Variants in ORAI2 observed in about 807,000 individuals in gnomAD.
ORAI2 encodes ORAI calcium release-activated calcium modulator 2, also known as protein orai-2.
A neutral mutation model predicts 16.2 loss-of-function variants in ORAI2; 10 were observed. The observed-to-expected ratio is 0.62, with a 90% CI of 0.38 to 1.04. The LOEUF (loss-of-function observed/expected upper bound fraction) is 1.04. Ranked by LOEUF, ORAI2 falls within the 50% of genes least tolerant of loss-of-function variation. The pLI is 0.01. For missense variants in ORAI2, 238 were observed against 355.5 expected (o/e 0.67, Z 2.66); for synonymous variants, 150 against 157.5 (o/e 0.95, Z 0.35).
chr7:102,437,909 G>A, intron 2 of ORAI2, among the ~76,000 whole-genome samples: 1 of 152,012 alleles, frequency 6.6e-6, no homozygotes, highest in East Asian at 1.9e-4. Context: ...AACATTAGCA[G>A]GCATGGTCCT....
intron 3 of ORAI2, 80 bp downstream of exon 3, chr7:102,439,261 G>C (rs1393657581): frequency 1.7e-6 from 2 of 1,202,214 alleles, no homozygotes; most frequent in East Asian, 2.5e-5. Context: ...TCAGGGACCA[G>C]AGCCTTCCCT....
chr7:102,445,252 C>T (rs192909785), intron 3 of ORAI2, among the ~76,000 whole-genome samples: 92 of 151,646 alleles, frequency 6.1e-4, no homozygotes, highest in Non-Finnish European at 1.0e-3. Context: ...GGGGACTCTC[C>T]GCACTTTCAG....
In ORAI2 at chr7:102,441,559, A is replaced by G. The variant is rs977302664; in HGVS notation, c.225+2378A>G. Among the ~76,000 whole-genome samples the G allele has an allele frequency of 1.8e-4, 27 of 151,624 alleles. 1 individual carries two copies. Among genetic ancestry groups the G allele is most frequent in the African/African-American group, 9.7e-5 (4 of 41,192 alleles). On this transcript the variant is annotated intron_variant, in intron 3 of 3. Transcript: ENST00000495936. Reference sequence around the variant, plus strand: ...ATCTCAAAAAAAAAAAAAAGAAAAAAAAAAAACCAGAGGTGGCTCTTGCTA... The same window carrying G: ...ATCTCAAAAAAAAAAAAAAGAAAAAGAAAAAACCAGAGGTGGCTCTTGCTA...
intron 2 of ORAI2, among the ~76,000 whole-genome samples, 183 bp downstream of exon 2, chr7:102,436,516 T>C (rs1157110902): frequency 6.6e-6 from 1 of 152,024 alleles, no homozygotes; most frequent in Non-Finnish European, 1.5e-5. Context: ...GGCTCGACTC[T>C]GGCATGGATG....
chr7:102,452,042 A>C lies in ORAI2; in HGVS notation c.*4990A>C, dbSNP rs1797535199. On this transcript the variant is annotated 3_prime_UTR_variant, in exon 4 of 4. Coordinates refer to ENST00000495936, the MANE Select transcript of ORAI2 (RefSeq NM_001126340.3). ...GAGCTACCAGAGCACTGGTCACCTC[A>C]GGACATTCTCCAGCCCCAAGTCCCT... is the stretch of plus-strand genomic sequence containing the variant. 1 of 152,260 alleles carries C rather than the reference A, an allele frequency of 6.6e-6. No homozygotes were observed. The highest frequency in any genetic ancestry group is 1.5e-5 in the Non-Finnish European group (1 of 68,092). The allele number at this position is 152,260 out of a possible 1,614,324, so 9.4% of individuals were successfully genotyped here. A position where few individuals can be genotyped will look rare whatever the true frequency, so the allele number is the denominator to read the frequency against.
In ORAI2 at chr7:102,446,740, C is replaced by T. The variant is rs376227878; in HGVS notation, c.453C>T (p.Gly151=). The stretch of plus-strand genomic sequence containing the variant: ...ACCCCTACATCGAGCTGGCCTGGGG[C>T]TTCTCCACCGTGCTTGGCATCCTAC... The part of the protein sequence containing the change: ...RMHPYIELAW[G]FSTVLGILLF... Residue 151 remains glycine (G), a synonymous_variant, in exon 4 of 4, where the codon GGC becomes GGT. Coordinates refer to ENST00000495936, the MANE Select transcript of ORAI2 (RefSeq NM_001126340.3). 7 of 1,614,076 alleles carry T rather than the reference C, an allele frequency of 4.3e-6. No homozygotes were observed. Among genetic ancestry groups the T allele is most frequent in the Non-Finnish European group, 5.1e-6 (6 of 1,180,056 alleles).
intron 3 of ORAI2, 39 bp downstream of exon 3, chr7:102,439,220 T>C: frequency 6.4e-7 from 1 of 1,563,770 alleles, no homozygotes. Flanking sequence ...ACTGGTCAGA[T>C]GGGCTTTGCT....
Position 102,450,585 on chromosome 7 carries a change from A to T in ORAI2, c.*3533A>T, listed in dbSNP as rs1797494969. 1 of 152,286 alleles carries T rather than the reference A, an allele frequency of 6.6e-6. No homozygotes were observed. Among genetic ancestry groups the T allele is most frequent in the African/African-American group, 2.4e-5 (1 of 41,464 alleles). 9.4% of individuals were successfully genotyped at this position (152,286 alleles called of 1,614,324 possible). ...TGGGGACGGAGCCACATCCAAGTCT[A>T]GCCCTCTGATTAGGAGGATGACAGT... On this transcript the variant is annotated 3_prime_UTR_variant, in exon 4 of 4. Coordinates refer to ENST00000495936, the MANE Select transcript of ORAI2 (RefSeq NM_001126340.3).
At position 102,433,836 on chromosome 7, in the gene ORAI2, G is replaced by A. The variant is rs187251889; in HGVS notation, c.-123+175G>A. The stretch of plus-strand genomic sequence containing the variant: ...CCCCGCGGGATCCCTGGCGGGGTGC[G>A]GCGCCCAGAGGATCAGGGTCGGCGG... On this transcript the variant is annotated intron_variant, in intron 1 of 3. Transcript: ENST00000495936. This position sits in a 1 kb window ranked among gnomAD's most constrained non-coding sequence, Gnocchi z 4.6. Among the ~76,000 whole-genome samples the A allele has an allele frequency of 6.6e-6, 1 of 152,076 alleles. No homozygotes were observed. Among genetic ancestry groups the A allele is most frequent in the East Asian group, 1.9e-4 (1 of 5,156 alleles).
Position 102,456,473 on chromosome 7 carries a change from C to T in ORAI2, c.*9421C>T, listed in dbSNP as rs1469344121. ...CTCACTATGTTGCCCAGGCTGGCCTCAAGCAATCCTCCCACCTGAGCCCCG... is the reference window on the plus strand; with the variant it reads ...CTCACTATGTTGCCCAGGCTGGCCTTAAGCAATCCTCCCACCTGAGCCCCG... On this transcript the variant is annotated 3_prime_UTR_variant, in exon 4 of 4. Transcript: ENST00000495936. The T allele has an allele frequency of 6.6e-6, 1 of 152,184 alleles. No individual in the cohort carries two copies. The highest frequency in any genetic ancestry group is 2.4e-5 in the African/African-American group (1 of 41,442). 9.4% of individuals were successfully genotyped at this position (152,184 alleles called of 1,614,324 possible).
chr7:102,443,165 T>G (rs1797259616), intron 3 of ORAI2, among the ~76,000 whole-genome samples: 1 of 150,548 alleles, frequency 6.6e-6, no homozygotes, highest in Non-Finnish European at 1.5e-5. Flanking sequence ...GGGGTCTCGT[T>G]TTGTTGCCTG....
chr7:102,437,448 C>A (rs999655058), intron 2 of ORAI2, among the ~76,000 whole-genome samples: 1 of 151,854 alleles, frequency 6.6e-6, no homozygotes, highest in Non-Finnish European at 1.5e-5. Flanking sequence ...AACCCTGTCT[C>A]TACTAAAAAT....
Position 102,447,376 on chromosome 7 carries a change from G to C in ORAI2, c.*324G>C. On this transcript the variant is annotated 3_prime_UTR_variant, in exon 4 of 4. Coordinates refer to ENST00000495936, the MANE Select transcript of ORAI2 (RefSeq NM_001126340.3). ...GGAGGGGCTCCAAGCAGCACCCAGC[G>C]GTCCGGGGGAGTCTCAGACCCGGCA... 1 of 315,074 alleles carries C rather than the reference G, an allele frequency of 3.2e-6. No individual in the cohort carries two copies. Among genetic ancestry groups the C allele is most frequent in the Non-Finnish European group, 5.9e-6 (1 of 169,756 alleles). The allele number at this position is 315,074 out of a possible 1,614,324, so 19.5% of individuals were successfully genotyped here.
At chr7:102,444,255 A>T (rs895965831) in intron 3 of ORAI2, among the ~76,000 whole-genome samples, 1 of 149,932 alleles carries the variant, frequency 6.7e-6, no homozygotes, top group African/African-American at 2.5e-5. Flanking sequence ...ATTTTATTTT[A>T]TTTATTTATT....
At chr7:102,443,125 CTTCTTCT>C (rs1293087518) in intron 3 of ORAI2, among the ~76,000 whole-genome samples, 4 of 26,616 alleles carry the variant, frequency 1.5e-4, no homozygotes, top group Non-Finnish European at 5.5e-4. Flanking sequence ...TCTTCTTCTT[CTTCTTCT>C]TTTTTTTTTT....
intron 3 of ORAI2, among the ~76,000 whole-genome samples, chr7:102,444,810 T>C (rs1433330279): frequency 1.3e-5 from 2 of 151,622 alleles, no homozygotes; most frequent in Admixed American, 6.6e-5. Flanking sequence ...GGATTACAGA[T>C]GCCCACCACC....
chr7:102,450,576 T>G lies in ORAI2; in HGVS notation c.*3524T>G, dbSNP rs1797494672. ...GCACATGGGTGGGGACGGAGCCACA[T>G]CCAAGTCTAGCCCTCTGATTAGGAG... On this transcript the variant is annotated 3_prime_UTR_variant, in exon 4 of 4. Transcript: ENST00000495936. The G allele has an allele frequency of 6.6e-6, 1 of 152,286 alleles. No homozygotes were observed. Among genetic ancestry groups the G allele is most frequent in the Non-Finnish European group, 1.5e-5 (1 of 68,066 alleles). The allele number at this position is 152,286 out of a possible 1,614,324, so 9.4% of individuals were successfully genotyped here.
intron 3 of ORAI2, among the ~76,000 whole-genome samples, chr7:102,443,595 C>A (rs980536086): frequency 6.6e-6 from 1 of 152,064 alleles, no homozygotes; most frequent in Non-Finnish European, 1.5e-5. Context: ...CTGAGAAAAA[C>A]CACCCCTCAG....
At chr7:102,436,873 G>T (rs1797073795) in intron 2 of ORAI2, among the ~76,000 whole-genome samples, 1 of 152,082 alleles carries the variant, frequency 6.6e-6, no homozygotes, top group African/African-American at 2.4e-5. Context: ...ACCACACCTG[G>T]CTAATTTTTG....
Sources: gnomAD v4.1 joint callset for allele counts (sites outside exome capture counted in the v4.1 genomes callset) on GRCh38, gnomAD v4.1.1 for gene constraint, Gnocchi (gnomAD v3.1) non-coding constraint, MANE v1.5 for transcripts, NCBI Gene and HGNC (gene_info 2026-07-23, HGNC 2026-07-21) for gene names.